The following FXN variants were observed in gnomAD, a reference collection of about 807,000 sequenced individuals.
FXN encodes frataxin.
In FXN, 14 loss-of-function variants were observed where a neutral mutation model predicts 22.4. That is an observed-to-expected ratio of 0.62 (90% CI 0.41 to 0.98). The LOEUF (loss-of-function observed/expected upper bound fraction) is 0.98, where lower values mean the gene tolerates loss of function less well. FXN is among the 50% of genes least tolerant of loss of function. FXN has a pLI of 0.00. For synonymous variants in FXN, 120 were observed against 114.1 expected (o/e 1.05, Z -0.33); for missense variants, 267 against 268.4 (o/e 0.99, Z 0.04).
In FXN at chr9:69,076,886, C is replaced by T. The variant is rs188899351; in HGVS notation, c.*4124C>T. 5.2e-4 allele frequency: 516 copies of T among 985,372 alleles called. No individual in the cohort carries two copies. The African/African-American group carries it at 8.2e-3, about 16-fold the overall frequency. 61.0% of individuals were successfully genotyped at this position (985,372 alleles called of 1,614,324 possible). A position where few individuals can be genotyped will look rare whatever the true frequency, so the allele number is the denominator to read the frequency against. On this transcript the variant is annotated 3_prime_UTR_variant, in exon 5 of 5. Transcript: ENST00000484259. ...TGTAAATTTATGCTGTTCAAAACGA[C>T]GAGTTCATGACTTTGTGTATAGAGT...
At chr9:69,065,622 T>A (rs1472104571) in intron 4 of FXN, among the ~76,000 whole-genome samples, 1 of 152,124 alleles carries the variant, frequency 6.6e-6, no homozygotes, top group Non-Finnish European at 1.5e-5. Context: ...TGTCTCATTC[T>A]CAGTAGAAAA....
intron 2 of FXN, among the ~76,000 whole-genome samples, chr9:69,050,916 G>A (rs1352669848): frequency 6.6e-6 from 1 of 152,062 alleles, no homozygotes; most frequent in African/African-American, 2.4e-5. Flanking sequence ...GAGTAGCTGG[G>A]ATTACAGGCA....
chr9:69,038,434 T>C (rs1397557538), intron 1 of FXN, among the ~76,000 whole-genome samples: 1 of 152,148 alleles, frequency 6.6e-6, no homozygotes, highest in Non-Finnish European at 1.5e-5. Context: ...TTCTACATTT[T>C]CTAGTTAAAA....
intron 3 of FXN, among the ~76,000 whole-genome samples, chr9:69,058,885 G>A (rs1241078850): frequency 2.0e-5 from 3 of 152,022 alleles, no homozygotes; most frequent in Non-Finnish European, 2.9e-5. Context: ...TGGCTAACAC[G>A]GTGAAACCCT....
chr9:69,072,392 T>G (rs529209812), intron 4 of FXN, among the ~76,000 whole-genome samples: 1 of 152,280 alleles, frequency 6.6e-6, no homozygotes, highest in South Asian at 2.1e-4. Flanking sequence ...GGTCAAATGT[T>G]TTTTCAGGTT....
rs1041543396 is a variant in FXN at position 69,035,899 on chromosome 9, C to T, written c.117C>T (p.Arg39=). 2 of 1,488,076 alleles carry T rather than the reference C, an allele frequency of 1.3e-6. No homozygotes were observed. The highest frequency in any genetic ancestry group is 1.5e-5 in the African/African-American group (1 of 68,420). The allele number at this position is 1,488,076 out of a possible 1,614,324, so 92.2% of individuals were successfully genotyped here. The change falls in exon 1 of 5, where the codon CGC becomes CGT. Residue 39 remains arginine (R), a synonymous_variant. Coordinates refer to ENST00000484259, the MANE Select transcript of FXN (RefSeq NM_000144.5). ...RPAELAPLCG[R]RGLRTDIDAT... is the part of the protein sequence containing the mutation. ...CAGAGTTGGCCCCACTCTGCGGCCG[C>T]CGTGGCCTGCGCACCGACATCGATG...
At position 69,078,743 on chromosome 9, in the gene FXN, A is replaced by C. The variant is rs956348096; in HGVS notation, c.*5981A>C. On this transcript the variant is annotated 3_prime_UTR_variant, in exon 5 of 5. Transcript: ENST00000484259. ...GTTTCCATTTTGGTCTTTATTCCCC[A>C]CATCTCTGCCTGGGGGGTAGATTCT... The C allele has an allele frequency of 3.0e-6, 3 of 985,502 alleles. No individual in the cohort carries two copies. Among genetic ancestry groups the C allele is most frequent in the Non-Finnish European group, 3.6e-6 (3 of 830,000 alleles). 61.0% of individuals were successfully genotyped at this position (985,502 alleles called of 1,614,324 possible).
chr9:69,077,128 G>C lies in FXN; in HGVS notation c.*4366G>C. ...GGGGTTTCACCATCATGGCCAGGCT[G>C]GTCTTGAACTCCTGACCTAGTAATC... On this transcript the variant is annotated 3_prime_UTR_variant, in exon 5 of 5. Transcript: ENST00000484259. 5.2e-6 allele frequency: 3 copies of C among 578,836 alleles called. No homozygotes were observed. Among genetic ancestry groups the C allele is most frequent in the Non-Finnish European group, 6.5e-6 (3 of 458,866 alleles). The allele number at this position is 578,836 out of a possible 1,614,324, so 35.9% of individuals were successfully genotyped here.
In FXN at chr9:69,077,843, T is replaced by C; in HGVS notation, c.*5081T>C. The C allele has an allele frequency of 1.4e-6, 1 of 694,014 alleles. No individual in the cohort carries two copies. The allele number at this position is 694,014 out of a possible 1,614,324, so 43.0% of individuals were successfully genotyped here. ...TACTCGGGAGGCTGAGGCAGGAGAATTGCTTGAACCTGGGTGGTGGAGGTT... is the reference window on the plus strand; with the variant it reads ...TACTCGGGAGGCTGAGGCAGGAGAACTGCTTGAACCTGGGTGGTGGAGGTT... On this transcript the variant is annotated 3_prime_UTR_variant, in exon 5 of 5. Coordinates refer to ENST00000484259, the MANE Select transcript of FXN (RefSeq NM_000144.5).
intron 4 of FXN, 66 bp downstream of exon 4, chr9:69,065,101 G>A: frequency 8.0e-7 from 1 of 1,254,510 alleles, no homozygotes; most frequent in Non-Finnish European, 1.2e-6. Flanking sequence ...TGACATTGTG[G>A]ACCATTTAAG....
intron 3 of FXN, among the ~76,000 whole-genome samples, chr9:69,054,247 C>T (rs1831913865): frequency 6.6e-6 from 1 of 152,156 alleles, no homozygotes; most frequent in Non-Finnish European, 1.5e-5. Context: ...TGGTCCACCC[C>T]CATCAGCCTT....
Position 69,073,199 on chromosome 9 carries a change from C to A in FXN, c.*437C>A. On this transcript the variant is annotated 3_prime_UTR_variant, in exon 5 of 5. Coordinates refer to ENST00000484259, the MANE Select transcript of FXN (RefSeq NM_000144.5). ...CTCACTGTTCTATCTCCAAATGAGA[C>A]ACATTAAAGGGTAGCCTACAAATGT... 1 of 1,063,236 alleles carries A rather than the reference C, an allele frequency of 9.4e-7. No individual in the cohort carries two copies. Among genetic ancestry groups the A allele is most frequent in the Non-Finnish European group, 1.1e-6 (1 of 878,014 alleles). 65.9% of individuals were successfully genotyped at this position (1,063,236 alleles called of 1,614,324 possible).
chr9:69,042,440 G>A (rs1416849270), intron 1 of FXN, among the ~76,000 whole-genome samples: 5 of 152,100 alleles, frequency 3.3e-5, no homozygotes, highest in East Asian at 1.9e-4. Flanking sequence ...TTATGCTCAC[G>A]GTTGTGAGGT....
chr9:69,051,727 T>A (rs537747518), intron 2 of FXN, among the ~76,000 whole-genome samples: 57 of 152,298 alleles, frequency 3.7e-4, no homozygotes, highest in Non-Finnish European at 7.2e-4. Flanking sequence ...ATTAAAAAAA[T>A]CTCCAATAGA....
intron 3 of FXN, among the ~76,000 whole-genome samples, chr9:69,054,301 G>A (rs1831914834): frequency 6.6e-6 from 1 of 152,170 alleles, no homozygotes; most frequent in East Asian, 1.9e-4. Flanking sequence ...GGTCCGGCCT[G>A]GTGTGAGAAC....
intron 2 of FXN, among the ~76,000 whole-genome samples, 156 bp from the exon 3 acceptor site, chr9:69,052,984 C>G (rs1009276290): frequency 1.5e-5 from 2 of 132,084 alleles, no homozygotes; most frequent in Admixed American, 8.3e-5. Flanking sequence ...GAGTGAGACT[C>G]TGTCTCAAAA....
intron 2 of FXN, among the ~76,000 whole-genome samples, chr9:69,048,771 TC>T (rs1265434853): frequency 2.0e-5 from 3 of 152,116 alleles, no homozygotes; most frequent in African/African-American, 7.2e-5. Context: ...ATTCTACCTG[TC>T]CCCAGAGCTA....
chr9:69,039,234 C>T (rs949364196), intron 1 of FXN, among the ~76,000 whole-genome samples: 1 of 150,144 alleles, frequency 6.7e-6, no homozygotes, highest in Non-Finnish European at 1.5e-5. Context: ...CCAACCTGGG[C>T]GACAGAGCGA....
intron 3 of FXN, among the ~76,000 whole-genome samples, chr9:69,058,183 G>A (rs561395132): frequency 6.6e-5 from 10 of 152,034 alleles, no homozygotes; most frequent in Non-Finnish European, 1.2e-4. Context: ...CTGGTGTGTC[G>A]TCTGATCAAG....
Sources: gnomAD v4.1 joint callset for allele counts (sites outside exome capture counted in the v4.1 genomes callset) on GRCh38, gnomAD v4.1.1 for gene constraint, MANE v1.5 for transcripts, NCBI Gene and HGNC (gene_info 2026-07-23, HGNC 2026-07-21) for gene names.